The following FOXO3 variants were observed in gnomAD, a reference collection of about 807,000 sequenced individuals.
FOXO3 encodes forkhead box protein O3.
Under a neutral mutation model 41.9 loss-of-function variants are expected in FOXO3, and 4 were observed. That is an observed-to-expected ratio of 0.10 (90% CI 0.05 to 0.22). The LOEUF (loss-of-function observed/expected upper bound fraction) is 0.22. Ranked by LOEUF, FOXO3 falls within the 10% of genes least tolerant of loss-of-function variation. The pLI is 1.00. For missense variants in FOXO3, 534 were observed against 906.8 expected (o/e 0.59, Z 5.28); for synonymous variants, 318 against 389.3 (o/e 0.82, Z 2.16).
chr6:108,672,802 CT>C (rs1379769523), intron 2 of FOXO3, among the ~76,000 whole-genome samples: 1 of 151,962 alleles, frequency 6.6e-6, no homozygotes, highest in Non-Finnish European at 1.5e-5. Context: ...TCTTTTCCTG[CT>C]TTGTCTCTGA....
At chr6:108,599,219 A>G (rs1776976998) in intron 1 of FOXO3, among the ~76,000 whole-genome samples, 1 of 152,166 alleles carries the variant, frequency 6.6e-6, no homozygotes, top group Non-Finnish European at 1.5e-5. Context: ...TTAAAAACAT[A>G]ACCTTTTTAT....
intron 1 of FOXO3, among the ~76,000 whole-genome samples, chr6:108,621,206 G>A (rs1295802632): frequency 6.6e-6 from 1 of 152,116 alleles, no homozygotes; most frequent in African/African-American, 2.4e-5. Context: ...TAAAAGCTAT[G>A]CTTGTATGTC....
chr6:108,647,012 G>A (rs972456172), intron 1 of FOXO3, among the ~76,000 whole-genome samples: 5 of 152,112 alleles, frequency 3.3e-5, no homozygotes, highest in Admixed American at 1.3e-4. Flanking sequence ...ATCACTAAGC[G>A]TAGTACTGCA....
intron 1 of FOXO3, among the ~76,000 whole-genome samples, chr6:108,566,370 G>A (rs1775947520): frequency 6.6e-6 from 1 of 152,166 alleles, no homozygotes; most frequent in Admixed American, 6.5e-5. Context: ...TACTCTGCTT[G>A]TGATTCTTAC....
At position 108,664,495 on chromosome 6, in the gene FOXO3, C is replaced by T. The variant is rs1288609130; in HGVS notation, c.1662C>T (p.Val554=). Residue 554 remains valine, a synonymous_variant, in exon 2 of 3, where the codon GTC becomes GTT. Coordinates refer to ENST00000406360, the MANE Select transcript of FOXO3 (RefSeq NM_001455.4). ...GCAGCCGTGCCTTGTCGAATTCTGT[C>T]AGCAACATGGGCTTGAGTGAGTCCA... is the stretch of plus-strand genomic sequence containing the variant. The part of the protein sequence containing the change: ...LGGSRALSNS[V]SNMGLSESSS... The T allele has an allele frequency of 1.7e-5, 24 of 1,430,866 alleles. No homozygotes were observed. The highest frequency in any genetic ancestry group is 2.3e-5 in the Non-Finnish European group (23 of 1,015,696). 88.6% of individuals were successfully genotyped at this position (1,430,866 alleles called of 1,614,324 possible).
At chr6:108,633,890 TC>T (rs1778043764) in intron 1 of FOXO3, among the ~76,000 whole-genome samples, 1 of 151,734 alleles carries the variant, frequency 6.6e-6, no homozygotes, top group Non-Finnish European at 1.5e-5. Flanking sequence ...CCCAGAGCAA[TC>T]CACAGGCAAC....
chr6:108,666,173 G>C (rs753771917), intron 2 of FOXO3, among the ~76,000 whole-genome samples: 2 of 151,944 alleles, frequency 1.3e-5, no homozygotes, highest in Non-Finnish European at 2.9e-5. Flanking sequence ...TACTTCACAG[G>C]GTTATTACAA....
At chr6:108,560,476 G>A (rs1188282000), upstream of FOXO3, among the ~76,000 whole-genome samples, 1 of 152,144 alleles carries the variant, frequency 6.6e-6, no homozygotes, top group African/African-American at 2.4e-5. Context: ...GCCCATCTGC[G>A]CCCAGACCCC....
chr6:108,618,853 G>A (rs963704367), intron 1 of FOXO3, among the ~76,000 whole-genome samples: 8 of 152,234 alleles, frequency 5.3e-5, no homozygotes, highest in East Asian at 1.9e-4. Context: ...AATTCTAGCC[G>A]TTTTGGCCTC....
intron 1 of FOXO3, among the ~76,000 whole-genome samples, chr6:108,590,003 C>T (rs749295467): frequency 1.3e-5 from 2 of 152,094 alleles, no homozygotes; most frequent in Non-Finnish European, 2.9e-5. Context: ...GAGAGTTATT[C>T]TTAAAGGATA....
At chr6:108,574,348 G>C (rs1157324221) in intron 1 of FOXO3, among the ~76,000 whole-genome samples, 1 of 152,042 alleles carries the variant, frequency 6.6e-6, no homozygotes, top group Non-Finnish European at 1.5e-5. Context: ...AGTGACGCAT[G>C]GTAGGTAGAA....
In FOXO3 at chr6:108,680,643, C is replaced by G. The variant is rs1770808484; in HGVS notation, c.*851C>G. 1 of 151,804 alleles carries G rather than the reference C, an allele frequency of 6.6e-6. No homozygotes were observed. The highest frequency in any genetic ancestry group is 1.5e-5 in the Non-Finnish European group (1 of 67,992). 9.4% of individuals were successfully genotyped at this position (151,804 alleles called of 1,614,324 possible). ...CTCAGCTAATGTGAACAGTGTTGGT[C>G]TGCTGGTTAGAAACTAGAATATTGA... is the stretch of plus-strand genomic sequence containing the variant. On this transcript the variant is annotated 3_prime_UTR_variant, in exon 3 of 3. Transcript: ENST00000406360.
At chr6:108,587,944 C>T (rs1776629114) in intron 1 of FOXO3, among the ~76,000 whole-genome samples, 1 of 152,198 alleles carries the variant, frequency 6.6e-6, no homozygotes, top group Non-Finnish European at 1.5e-5. Flanking sequence ...GAGAAGGGCT[C>T]CCCCATCCTC....
chr6:108,663,843 A>G lies in FOXO3; in HGVS notation c.1010A>G (p.Gln337Arg). 1 of 1,613,902 alleles carries G rather than the reference A, an allele frequency of 6.2e-7. No individual in the cohort carries two copies. Among genetic ancestry groups the G allele is most frequent in the East Asian group, 2.2e-5 (1 of 44,878 alleles). ...GCAAGCACAGAGTTGGATGAAGTCC[A>G]GGACGATGATGCGCCTCTCTCGCCC... ...IMASTELDEV[Q>R]DDDAPLSPML... The change falls in exon 2 of 3, where the codon CAG becomes CGG. Residue 337 changes from glutamine (Q) to arginine (R), a missense_variant. Gln to Arg is a conservative substitution (Grantham distance 43, BLOSUM62 1). Transcript: ENST00000406360.
chr6:108,560,519 A>C (rs968108222), upstream of FOXO3, among the ~76,000 whole-genome samples: 3 of 151,922 alleles, frequency 2.0e-5, no homozygotes, highest in Non-Finnish European at 4.4e-5. Flanking sequence ...CGAAGAGGGG[A>C]GAGGGAGCTG....
At chr6:108,630,470 T>G (rs1706606988) in intron 1 of FOXO3, among the ~76,000 whole-genome samples, 1 of 152,144 alleles carries the variant, frequency 6.6e-6, no homozygotes, top group Non-Finnish European at 1.5e-5. Flanking sequence ...ATTTGAACAT[T>G]TGAGGTGGCT....
chr6:108,605,200 C>T (rs1777162704), intron 1 of FOXO3, among the ~76,000 whole-genome samples: 1 of 152,074 alleles, frequency 6.6e-6, no homozygotes, highest in Middle Eastern at 3.2e-3. Flanking sequence ...CTCACTGCAA[C>T]CTCCGCCTCC....
intron 1 of FOXO3, among the ~76,000 whole-genome samples, chr6:108,643,703 A>G (rs115663182): frequency 1.9e-3 from 286 of 152,250 alleles, no homozygotes; most frequent in Admixed American, 4.5e-3. Flanking sequence ...GTTTTGCTTC[A>G]CCTTGTCCTT....
chr6:108,630,765 T>A (rs12213895), intron 1 of FOXO3, among the ~76,000 whole-genome samples: 14,739 of 151,842 alleles, frequency 0.097, 748 homozygotes, highest in East Asian at 0.15. Flanking sequence ...TAAGTATTTT[T>A]AAAAAAAAGC....
Sources: allele counts gnomAD v4.1 joint callset (sites outside exome capture counted in the v4.1 genomes callset), GRCh38; gene constraint gnomAD v4.1.1; transcripts MANE v1.5; gene names NCBI Gene and HGNC (gene_info 2026-07-23, HGNC 2026-07-21).